RNF126: variants seen among roughly 807,000 people sequenced by gnomAD.
RNF126 encodes ring finger protein 126.
RNF126 carries 20 observed loss-of-function variants against 41.9 expected under a neutral mutation model. The ratio of observed to expected loss-of-function variants is 0.48; its 90% confidence interval spans 0.34 to 0.69. The LOEUF is 0.69. RNF126 is among the 30% of genes least tolerant of loss of function. The pLI is 0.01. For synonymous variants in RNF126, 239 were observed against 202.9 expected (o/e 1.18, Z -1.51); for missense variants, 433 against 460.6 (o/e 0.94, Z 0.55).
intron 1 of RNF126, among the ~76,000 whole-genome samples, chr19:658,443 G>C (rs2030656640): frequency 6.6e-6 from 1 of 152,118 alleles, no homozygotes; most frequent in African/African-American, 2.4e-5. Context: ...TGCACATCAG[G>C]AGACCCCAGG....
At chr19:651,063 G>A (rs945463224) in intron 4 of RNF126, among the ~76,000 whole-genome samples, 3 of 152,200 alleles carry the variant, frequency 2.0e-5, no homozygotes, top group African/African-American at 7.2e-5. Flanking sequence ...ATTTCCAGCA[G>A]GTGAGACACA....
In RNF126 at chr19:663,146, GCCCGCCCCCCGCGCGGCA is replaced by G; in HGVS notation, c.-43_-26del. The stretch of plus-strand genomic sequence containing the variant: ...TGGCCGCCGCCACCTACTCCGCGCC[GCCCGCCCCCCGCGCGGCA>G]CCCGCCGCCGGCCGTTTGCTGCTCC... On this transcript the variant is annotated 5_prime_UTR_variant, in exon 1 of 9. Coordinates refer to ENST00000292363, the MANE Select transcript of RNF126 (RefSeq NM_194460.3). 2 of 1,156,732 alleles carry G rather than the reference GCCCGCCCCCCGCGCGGCA, an allele frequency of 1.7e-6. No homozygotes were observed. Among genetic ancestry groups the G allele is most frequent in the Non-Finnish European group, 1.1e-6 (1 of 930,902 alleles). The allele number at this position is 1,156,732 out of a possible 1,614,324, so 71.7% of individuals were successfully genotyped here.
At chr19:651,261 G>A (rs998567627) in intron 4 of RNF126, 1 of 187,296 alleles carries the variant, frequency 5.3e-6, no homozygotes, top group African/African-American at 2.4e-5. Flanking sequence ...CCCAGGCTCC[G>A]TTCCACCAGG....
At chr19:658,595 A>G (rs2030664671) in intron 1 of RNF126, among the ~76,000 whole-genome samples, 1 of 152,060 alleles carries the variant, frequency 6.6e-6, no homozygotes, top group Non-Finnish European at 1.5e-5. Context: ...CGGCGCCTGC[A>G]CCCCTTTCTT....
At chr19:656,165 T>C (rs1353574043) in intron 1 of RNF126, among the ~76,000 whole-genome samples, 1 of 151,738 alleles carries the variant, frequency 6.6e-6, no homozygotes, top group African/African-American at 2.4e-5. Context: ...TTTCACCAGG[T>C]GAATTATATG....
chr19:654,340 T>G (rs1490495089), intron 1 of RNF126, among the ~76,000 whole-genome samples: 1 of 152,102 alleles, frequency 6.6e-6, no homozygotes, highest in Non-Finnish European at 1.5e-5. Context: ...CCCCACGAAT[T>G]CTCGGCACGC....
intron 1 of RNF126, among the ~76,000 whole-genome samples, chr19:662,635 C>CCCGCG (rs759731550): frequency 6.6e-6 from 1 of 152,174 alleles, no homozygotes; most frequent in African/African-American, 2.4e-5. Flanking sequence ...CAGCCCCTGC[C>CCCGCG]CCGCGCCGCG....
At position 654,692 on chromosome 19, in the gene RNF126, C is replaced by T. The variant is rs1446926893; in HGVS notation, c.76-1808G>A. ...AAAAAAAAAAAAAGTGCTGGCCGGG[C>T]GCGGTGTCTCATACCTGTAATCCTG... On this transcript the variant is annotated intron_variant, in intron 1 of 8. Transcript: ENST00000292363. Among the ~76,000 whole-genome samples the T allele has an allele frequency of 6.2e-5, 8 of 129,056 alleles. No individual in the cohort carries two copies. In the South Asian group the frequency reaches 9.7e-4, roughly 16 times the overall value. 84.7% of individuals were successfully genotyped at this position (129,056 alleles called of 152,430 possible).
rs2030016089 is a variant in RNF126, at chr19:647,707, T to C, written c.*421A>G. 4.3e-6 allele frequency: 1 copy of C among 233,472 alleles called. No homozygotes were observed. Among genetic ancestry groups the C allele is most frequent in the East Asian group, 1.4e-4 (1 of 6,910 alleles). The allele number at this position is 233,472 out of a possible 1,614,324, so 14.5% of individuals were successfully genotyped here. On this transcript the variant is annotated 3_prime_UTR_variant, in exon 9 of 9. Transcript: ENST00000292363. ...GGCTGGGGGCCCACGTGGCCCGTCC[T>C]GGCGGCACCTGCAGCACTGGGGGAG... is the stretch of plus-strand genomic sequence containing the variant.
In RNF126 at chr19:652,923, G is replaced by A. The variant is rs200607809; in HGVS notation, c.76-39C>T. The A allele has an allele frequency of 2.1e-4, 327 of 1,581,842 alleles. 1 individual carries two copies. In the East Asian group the frequency reaches 2.5e-3, roughly 12 times the overall value. On this transcript the variant is annotated intron_variant, in intron 1 of 8. Coordinates refer to ENST00000292363, the MANE Select transcript of RNF126 (RefSeq NM_194460.3). ...CAGGAGGCCGGGTCACGGTGACGCC[G>A]GCATCACCTGCAAACCCCCCCAAGT...
intron 1 of RNF126, 85 bp downstream of exon 1, chr19:662,962 C>A (rs936510104): frequency 1.8e-6 from 1 of 555,974 alleles, no homozygotes; most frequent in Non-Finnish European, 2.7e-6. Context: ...AAGAGGCGGG[C>A]GCAAGCGACC....
At chr19:660,124 G>A (rs935101436) in intron 1 of RNF126, among the ~76,000 whole-genome samples, 1 of 152,180 alleles carries the variant, frequency 6.6e-6, no homozygotes, top group East Asian at 1.9e-4. Context: ...CTGAGCCCCC[G>A]ACCGCAAGTG....
At chr19:654,182 G>A (rs975530889) in intron 1 of RNF126, among the ~76,000 whole-genome samples, 1 of 152,230 alleles carries the variant, frequency 6.6e-6, no homozygotes, top group Non-Finnish European at 1.5e-5. Flanking sequence ...GCTGGGTGGG[G>A]AGGGACTAAG....
rs1339617341 is a variant in RNF126, at chr19:663,014, C to A, written c.75+33G>T. 3 of 1,253,508 alleles carry A rather than the reference C, an allele frequency of 2.4e-6. No individual in the cohort carries two copies. The African/African-American group carries it at 4.8e-5, about 20-fold the overall frequency. 77.6% of individuals were successfully genotyped at this position (1,253,508 alleles called of 1,614,324 possible). A position where few individuals can be genotyped will look rare whatever the true frequency, so the allele number is the denominator to read the frequency against. Reference sequence around the variant, plus strand: ...CCTTGCCTCAGGCCTGCGGCGCAGACCCTGCCGCCCGCCGCCCCGGCCCGG... The same window carrying A: ...CCTTGCCTCAGGCCTGCGGCGCAGAACCTGCCGCCCGCCGCCCCGGCCCGG... On this transcript the variant is annotated intron_variant, in intron 1 of 8. Coordinates refer to ENST00000292363, the MANE Select transcript of RNF126 (RefSeq NM_194460.3).
At position 648,340 on chromosome 19, in the gene RNF126, G is replaced by A. The variant is rs532384271; in HGVS notation, c.786+32C>T. 1,220 of 1,361,832 alleles carry A rather than the reference G, an allele frequency of 9.0e-4. 1 individual carries two copies. The highest frequency in any genetic ancestry group is 1.1e-3 in the Non-Finnish European group (1,080 of 1,007,402). The allele number at this position is 1,361,832 out of a possible 1,614,324, so 84.4% of individuals were successfully genotyped here. A position where few individuals can be genotyped will look rare whatever the true frequency, so the allele number is the denominator to read the frequency against. On this transcript the variant is annotated intron_variant, in intron 8 of 8. Coordinates refer to ENST00000292363, the MANE Select transcript of RNF126 (RefSeq NM_194460.3). ...GGTTAGAGGCGGGAGGGCCGCGGTC[G>A]GGGTGGGGGGGCGGGTGGGCGGGGC...
chr19:652,404 A>G (rs564445402), intron 2 of RNF126, 108 bp from the exon 3 acceptor site: 272 of 975,764 alleles, frequency 2.8e-4, no homozygotes, highest in Admixed American at 1.4e-3. Context: ...TGTCCTTGGC[A>G]CTGCTTCCCA....
chr19:649,701 C>G lies in RNF126; in HGVS notation c.554G>C (p.Gly185Ala). 6.4e-7 allele frequency: 1 copy of G among 1,568,604 alleles called. No individual in the cohort carries two copies. Among genetic ancestry groups the G allele is most frequent in the Non-Finnish European group, 8.7e-7 (1 of 1,155,116 alleles). The change falls in exon 6 of 9, where the codon GGC (glycine) becomes GCC (alanine). Residue 185 changes from glycine to alanine, a missense_variant. By Grantham distance (60) the Gly-to-Ala change is moderately conservative. Coordinates refer to ENST00000292363, the MANE Select transcript of RNF126 (RefSeq NM_194460.3). ...NPMDYAWGAN[G>A]LDAIITQLLN... Reference sequence around the variant, plus strand: ...TACCTGTGTGATGATGGCATCCAGGCCGTTGGCCCCCCAGGCGTAGTCCAT... The same window carrying G: ...TACCTGTGTGATGATGGCATCCAGGGCGTTGGCCCCCCAGGCGTAGTCCAT...
intron 1 of RNF126, among the ~76,000 whole-genome samples, chr19:662,452 G>A (rs1187244388): frequency 1.3e-5 from 2 of 152,160 alleles, no homozygotes; most frequent in African/African-American, 4.8e-5. Flanking sequence ...CCCCGCCGGC[G>A]GGCCGCGGTC....
rs995786002 is a variant in RNF126 at position 658,300 on chromosome 19, G to A, written c.75+4747C>T. 2.0e-5 allele frequency among the ~76,000 whole-genome samples: 3 copies of A among 152,086 alleles called. No individual in the cohort carries two copies. The East Asian group carries it at 5.8e-4, about 29-fold the overall frequency. ...CCTGCACGGGGCGCATGTCCTGAGGGCCCAGGGCCAGGCGCATGGAGGGGA... is the reference window on the plus strand; with the variant it reads ...CCTGCACGGGGCGCATGTCCTGAGGACCCAGGGCCAGGCGCATGGAGGGGA... On this transcript the variant is annotated intron_variant, in intron 1 of 8. Transcript: ENST00000292363.
Sources: gnomAD v4.1 joint callset for allele counts (sites outside exome capture counted in the v4.1 genomes callset) on GRCh38, gnomAD v4.1.1 for gene constraint, MANE v1.5 for transcripts, NCBI Gene and HGNC (gene_info 2026-07-23, HGNC 2026-07-21) for gene names.